Variants in IMPG1 observed in about 807,000 individuals in gnomAD.
IMPG1 encodes the protein interphotoreceptor matrix proteoglycan 1.
A neutral mutation model predicts 92.0 loss-of-function variants in IMPG1; 85 were observed. That is an observed-to-expected ratio of 0.92 (90% confidence interval 0.78 to 1.11). The LOEUF (loss-of-function observed/expected upper bound fraction) is 1.11, where lower values mean the gene tolerates loss of function less well. IMPG1 is among the 50% of genes least tolerant of loss of function. The pLI is 0.00. For synonymous variants in IMPG1, 367 were observed against 334.1 expected (o/e 1.10, Z -1.08); for missense variants, 1,022 against 956.0 (o/e 1.07, Z -0.91).
chr6:76,029,357 C>CT (rs1278002232), intron 4 of IMPG1, among the ~76,000 whole-genome samples: 1 of 152,190 alleles, frequency 6.6e-6, no homozygotes, highest in Non-Finnish European at 1.5e-5. Context: ...AATAATTATT[C>CT]TTGCTGCACT....
chr6:75,969,235 G>A (rs1375110839), intron 12 of IMPG1, among the ~76,000 whole-genome samples: 1 of 151,990 alleles, frequency 6.6e-6, no homozygotes, highest in Non-Finnish European at 1.5e-5. Flanking sequence ...GAGATCACGT[G>A]TATAACATGA....
At chr6:75,979,981 A>G (rs1782601941) in intron 12 of IMPG1, among the ~76,000 whole-genome samples, 1 of 152,200 alleles carries the variant, frequency 6.6e-6, no homozygotes, top group Admixed American at 6.5e-5. Flanking sequence ...AAAAAGGATG[A>G]GAAATGAAAA....
chr6:75,974,704 T>TG, intron 12 of IMPG1, among the ~76,000 whole-genome samples: 1 of 151,992 alleles, frequency 6.6e-6, no homozygotes, highest in Admixed American at 6.6e-5. Flanking sequence ...TTAGTAGAGA[T>TG]GGGGTTTCAC....
chr6:76,054,373 T>C (rs1244812390), intron 1 of IMPG1, among the ~76,000 whole-genome samples: 1 of 152,094 alleles, frequency 6.6e-6, no homozygotes, highest in Non-Finnish European at 1.5e-5. Flanking sequence ...AAATTTCAGA[T>C]AAATTTTCAG....
intron 14 of IMPG1, among the ~76,000 whole-genome samples, chr6:75,942,438 A>G (rs535124292): frequency 3.3e-4 from 51 of 152,290 alleles, no homozygotes; most frequent in African/African-American, 1.1e-3. Context: ...CTCGCTTACT[A>G]CATGCTGGAG....
At chr6:76,066,360 G>C (rs967459944) in intron 1 of IMPG1, among the ~76,000 whole-genome samples, 2 of 151,720 alleles carry the variant, frequency 1.3e-5, no homozygotes, top group Non-Finnish European at 2.9e-5. Flanking sequence ...AAGCTAAAGG[G>C]GTAGAAAAAA....
intron 7 of IMPG1, 30 bp downstream of exon 7, chr6:76,018,688 G>A (rs1228725701): frequency 3.1e-6 from 5 of 1,604,374 alleles, no homozygotes; most frequent in Admixed American, 3.4e-5. Flanking sequence ...CACAGCTTGA[G>A]GTGTGGTTGT....
At chr6:75,959,118 C>T (rs946141781) in intron 12 of IMPG1, among the ~76,000 whole-genome samples, 1 of 152,060 alleles carries the variant, frequency 6.6e-6, no homozygotes, top group African/African-American at 2.4e-5. Context: ...GTTAGTTTTC[C>T]TTTTAACAGT....
At chr6:76,005,071 T>C (rs575744828) in intron 10 of IMPG1, among the ~76,000 whole-genome samples, 1 of 152,302 alleles carries the variant, frequency 6.6e-6, no homozygotes, top group African/African-American at 2.4e-5. Context: ...TGGATTCTCC[T>C]AGAACTATCC....
chr6:76,049,576 G>A lies in IMPG1; in HGVS notation c.68-7450C>T, dbSNP rs1582130106. Among the ~76,000 whole-genome samples the A allele has an allele frequency of 2.0e-5, 3 of 152,162 alleles. No homozygotes were observed. The East Asian group carries it at 5.8e-4, about 29-fold the overall frequency. On this transcript the variant is annotated intron_variant, in intron 1 of 16. Coordinates refer to ENST00000369950, the MANE Select transcript of IMPG1 (RefSeq NM_001563.4). ...GATATGACACTTCACCAGAAGGTGT[G>A]ACTATCTAACACACAATATACAGAA... is the stretch of plus-strand genomic sequence containing the variant.
At chr6:75,999,356 T>C (rs1014492328) in intron 12 of IMPG1, among the ~76,000 whole-genome samples, 1 of 152,248 alleles carries the variant, frequency 6.6e-6, no homozygotes, top group African/African-American at 2.4e-5. Flanking sequence ...GAAAGATTTC[T>C]TTGAGTGCTT....
intron 1 of IMPG1, among the ~76,000 whole-genome samples, chr6:76,069,745 CAAA>C (rs59771309): frequency 1.4e-5 from 2 of 147,942 alleles, no homozygotes; most frequent in Admixed American, 1.3e-4. Context: ...ATTGGTTGAT[CAAA>C]AAAAAAAAAA....
At chr6:76,066,148 A>G (rs1784306719) in intron 1 of IMPG1, among the ~76,000 whole-genome samples, 1 of 152,110 alleles carries the variant, frequency 6.6e-6, no homozygotes, top group Non-Finnish European at 1.5e-5. Context: ...CAGGTGTTAT[A>G]AAAGTACACA....
At chr6:75,987,937 G>A (rs1034013953) in intron 12 of IMPG1, among the ~76,000 whole-genome samples, 20 of 152,098 alleles carry the variant, frequency 1.3e-4, no homozygotes, top group African/African-American at 4.1e-4. Flanking sequence ...GTGAGCCACC[G>A]CACCTGGCCA....
At chr6:76,035,747 T>C (rs1197515295) in intron 2 of IMPG1, among the ~76,000 whole-genome samples, 1 of 152,182 alleles carries the variant, frequency 6.6e-6, no homozygotes, top group Admixed American at 6.5e-5. Context: ...TCCCTTTTGA[T>C]CACAATCCTT....
At chr6:76,047,529 A>T (rs1052418757) in intron 1 of IMPG1, among the ~76,000 whole-genome samples, 2 of 152,202 alleles carry the variant, frequency 1.3e-5, no homozygotes, top group Non-Finnish European at 2.9e-5. Context: ...CCTGTCTTGA[A>T]TACTAATTTG....
intron 1 of IMPG1, among the ~76,000 whole-genome samples, chr6:76,065,756 C>T (rs1486200696): frequency 6.6e-6 from 1 of 152,018 alleles, no homozygotes; most frequent in Non-Finnish European, 1.5e-5. Context: ...GCAAAATGAA[C>T]TTCACAGAGA....
At chr6:76,011,284 A>C (rs1055173373) in intron 7 of IMPG1, 60 bp from the exon 8 acceptor site, 1 of 829,354 alleles carries the variant, frequency 1.2e-6, no homozygotes, top group African/African-American at 1.7e-5. Flanking sequence ...GTTCTTGCCT[A>C]ACTGAAAAAC....
At chr6:75,952,648 A>G (rs1423046380) in intron 12 of IMPG1, among the ~76,000 whole-genome samples, 1 of 152,154 alleles carries the variant, frequency 6.6e-6, no homozygotes, top group African/African-American at 2.4e-5. Context: ...GTTTGTGTCC[A>G]TGCAAAACTT....
Sources: allele counts gnomAD v4.1 joint callset (sites outside exome capture counted in the v4.1 genomes callset), GRCh38; gene constraint gnomAD v4.1.1; transcripts MANE v1.5; gene names NCBI Gene and HGNC (gene_info 2026-07-23, HGNC 2026-07-21).